Variants in UBE2QL1 observed in about 807,000 individuals in gnomAD.
The protein encoded by UBE2QL1 is ubiquitin-conjugating enzyme E2Q-like protein 1.
In UBE2QL1, 5 loss-of-function variants were observed where a neutral mutation model predicts 12.6. The observed-to-expected ratio is 0.40, with a 90% CI of 0.21 to 0.83. The LOEUF (loss-of-function observed/expected upper bound fraction) is 0.83. Among genes scored for constraint, UBE2QL1 ranks in the 40% least tolerant of loss-of-function variants. The pLI, the probability that UBE2QL1 is intolerant of heterozygous loss-of-function variation, is 0.37. For missense variants in UBE2QL1, 99 were observed against 222.6 expected (o/e 0.44, Z 3.53); for synonymous variants, 96 against 94.5 (o/e 1.02, Z -0.10).
intron 1 of UBE2QL1, among the ~76,000 whole-genome samples, chr5:6,463,652 G>A (rs1739724201): frequency 1.4e-5 from 2 of 145,026 alleles, no homozygotes. Flanking sequence ...TTTTGATGCG[G>A]AGTCTTGCTC....
intron 1 of UBE2QL1, among the ~76,000 whole-genome samples, chr5:6,467,776 G>A (rs1266227393): frequency 6.8e-6 from 1 of 146,966 alleles, no homozygotes; most frequent in Non-Finnish European, 1.5e-5. Context: ...CTCCACCCGC[G>A]CCCCCCAGAC....
chr5:6,484,817 C>T (rs954911904), intron 1 of UBE2QL1, among the ~76,000 whole-genome samples: 3 of 151,834 alleles, frequency 2.0e-5, no homozygotes, highest in Non-Finnish European at 2.9e-5. Context: ...AGTGCTGGGT[C>T]GGGTTCTGAC....
At chr5:6,474,309 G>C (rs992992797) in intron 1 of UBE2QL1, among the ~76,000 whole-genome samples, 7 of 152,226 alleles carry the variant, frequency 4.6e-5, no homozygotes, top group Admixed American at 4.6e-4. Context: ...TGGCATTGGA[G>C]TGGGGCATGC....
At chr5:6,455,008 C>T (rs927712749) in intron 1 of UBE2QL1, among the ~76,000 whole-genome samples, 7 of 152,222 alleles carry the variant, frequency 4.6e-5, no homozygotes, top group African/African-American at 1.7e-4. Flanking sequence ...GCTCCAGCAG[C>T]TCAGCCCGGG....
At chr5:6,474,825 G>A (rs921564142) in intron 1 of UBE2QL1, among the ~76,000 whole-genome samples, 4 of 152,192 alleles carry the variant, frequency 2.6e-5, no homozygotes, top group Non-Finnish European at 5.9e-5. Context: ...GTGAGAAGGG[G>A]CTTTGAGCAC....
intron 1 of UBE2QL1, among the ~76,000 whole-genome samples, chr5:6,469,486 A>G (rs1739861787): frequency 6.8e-6 from 1 of 148,014 alleles, no homozygotes. Context: ...TACAGTGTTC[A>G]TATTATATAT....
At chr5:6,471,561 G>GGA (rs773399435) in intron 1 of UBE2QL1, among the ~76,000 whole-genome samples, 2 of 152,060 alleles carry the variant, frequency 1.3e-5, no homozygotes, top group Non-Finnish European at 2.9e-5. Context: ...AGGGAGCTAG[G>GGA]GAGAGAGAGA....
chr5:6,460,697 T>C (rs910573519), intron 1 of UBE2QL1, among the ~76,000 whole-genome samples: 2 of 152,236 alleles, frequency 1.3e-5, no homozygotes, highest in African/African-American at 4.8e-5. Context: ...AGAATTCCAT[T>C]ACATTGGTAG....
At chr5:6,461,637 G>A (rs530537724) in intron 1 of UBE2QL1, among the ~76,000 whole-genome samples, 1 of 149,586 alleles carries the variant, frequency 6.7e-6, no homozygotes, top group Non-Finnish European at 1.5e-5. Flanking sequence ...CCTGGGCCTG[G>A]GTGGTGTTGC....
In UBE2QL1 at chr5:6,479,013, G is replaced by T. The variant is rs942386045; in HGVS notation, c.355-12205G>T. The stretch of plus-strand genomic sequence containing the variant: ...CCTCATGACAGAGCTGCCTGCCCTG[G>T]GGGCGTCCCTTCTATCGTGTGCAGC... On this transcript the variant is annotated intron_variant, in intron 1 of 1. Coordinates refer to ENST00000399816, the MANE Select transcript of UBE2QL1 (RefSeq NM_001145161.3). The surrounding 1 kb of genome is among the most constrained non-coding windows in gnomAD (Gnocchi z 4.2). Among the ~76,000 whole-genome samples the T allele has an allele frequency of 6.6e-6, 1 of 152,080 alleles. No homozygotes were observed. Among genetic ancestry groups the T allele is most frequent in the African/African-American group, 2.4e-5 (1 of 41,406 alleles).
intron 1 of UBE2QL1, among the ~76,000 whole-genome samples, chr5:6,453,364 A>G (rs1197046635): frequency 1.3e-5 from 2 of 152,244 alleles, no homozygotes; most frequent in African/African-American, 4.8e-5. Context: ...GTTTCCAGGC[A>G]GTCGTTTATT....
At chr5:6,464,380 A>G (rs769163196) in intron 1 of UBE2QL1, among the ~76,000 whole-genome samples, 4 of 152,244 alleles carry the variant, frequency 2.6e-5, no homozygotes, top group Non-Finnish European at 5.9e-5. Flanking sequence ...GATGTCTCAC[A>G]AGTCGAAAAG....
chr5:6,488,149 G>C (rs1052699276), intron 1 of UBE2QL1, among the ~76,000 whole-genome samples: 2 of 152,148 alleles, frequency 1.3e-5, no homozygotes, highest in Non-Finnish European at 2.9e-5. Context: ...GGCTCATAAC[G>C]GGCTCTGTCT....
chr5:6,468,624 T>C (rs6882339), intron 1 of UBE2QL1, among the ~76,000 whole-genome samples: 3,132 of 152,352 alleles, frequency 0.021, 118 homozygotes, highest in African/African-American at 0.071. Flanking sequence ...TGATGCTTTT[T>C]CTTAATCACC....
intron 1 of UBE2QL1, among the ~76,000 whole-genome samples, chr5:6,472,416 C>T (rs931270651): frequency 1.3e-5 from 2 of 152,112 alleles, no homozygotes; most frequent in African/African-American, 2.4e-5. Context: ...ATTCTGGAAG[C>T]GGCCGATCGA....
At position 6,481,307 on chromosome 5, in the gene UBE2QL1, G is replaced by A. The variant is rs1042645895; in HGVS notation, c.355-9911G>A. ...CTGCAGGCCTGGCCCCGGGTCACTT[G>A]GCATGGTGGCCCACCACCTCCATCC... On this transcript the variant is annotated intron_variant, in intron 1 of 1. Coordinates refer to ENST00000399816, the MANE Select transcript of UBE2QL1 (RefSeq NM_001145161.3). This position sits in a 1 kb window ranked among gnomAD's most constrained non-coding sequence, Gnocchi z 4.5. Among the ~76,000 whole-genome samples the A allele has an allele frequency of 1.3e-5, 2 of 152,326 alleles. No individual in the cohort carries two copies. Among genetic ancestry groups the A allele is most frequent in the Admixed American group, 6.5e-5 (1 of 15,310 alleles).
At position 6,481,684 on chromosome 5, in the gene UBE2QL1, C is replaced by T. The variant is rs1473378030; in HGVS notation, c.355-9534C>T. 6.6e-6 allele frequency among the ~76,000 whole-genome samples: 1 copy of T among 152,198 alleles called. No homozygotes were observed. The highest frequency in any genetic ancestry group is 1.5e-5 in the Non-Finnish European group (1 of 68,030). Reference sequence around the variant, plus strand: ...GGCCTCCCACTGATCCTTCCCCCAGCCTTGCCCACATGACCTTAGTTGGAC... The same window carrying T: ...GGCCTCCCACTGATCCTTCCCCCAGTCTTGCCCACATGACCTTAGTTGGAC... On this transcript the variant is annotated intron_variant, in intron 1 of 1. Transcript: ENST00000399816. The surrounding 1 kb of genome is among the most constrained non-coding windows in gnomAD (Gnocchi z 4.5).
At chr5:6,463,976 T>A (rs970373207) in intron 1 of UBE2QL1, among the ~76,000 whole-genome samples, 27 of 147,490 alleles carry the variant, frequency 1.8e-4, no homozygotes, top group African/African-American at 6.5e-4. Context: ...TCTAAGAGAT[T>A]TTTTTTTTAA....
chr5:6,485,640 A>C (rs1331576427), intron 1 of UBE2QL1, among the ~76,000 whole-genome samples: 1 of 152,220 alleles, frequency 6.6e-6, no homozygotes, highest in Non-Finnish European at 1.5e-5. Flanking sequence ...CTTGAAAAAC[A>C]AGTAGCAGCT....
Sources: gnomAD v4.1 joint callset for allele counts (sites outside exome capture counted in the v4.1 genomes callset) on GRCh38, gnomAD v4.1.1 for gene constraint, Gnocchi (gnomAD v3.1) non-coding constraint, MANE v1.5 for transcripts, NCBI Gene and HGNC (gene_info 2026-07-23, HGNC 2026-07-21) for gene names.